Variants in PINX1 observed in about 807,000 individuals in gnomAD.
The protein encoded by PINX1 is PIN2/TERF1-interacting telomerase inhibitor 1.
Under a neutral mutation model 25.4 loss-of-function variants are expected in PINX1, and 34 were observed. That is an observed-to-expected ratio of 1.34 (90% CI 1.02 to 1.78). The LOEUF is 1.78. Among genes scored for constraint, PINX1 ranks in the 40% most tolerant of loss-of-function variants. PINX1 has a pLI of 0.00. For synonymous variants in PINX1, 197 were observed against 147.7 expected (o/e 1.33, Z -2.42); for missense variants, 592 against 404.9 (o/e 1.46, Z -3.97).
chr8:10,813,496 C>T (rs917448501), intron 6 of PINX1, among the ~76,000 whole-genome samples: 2 of 152,178 alleles, frequency 1.3e-5, no homozygotes, highest in African/African-American at 4.8e-5. Context: ...GCAGAAGCGT[C>T]TGCTCGGAAT....
intron 6 of PINX1, among the ~76,000 whole-genome samples, chr8:10,771,928 CAATA>C (rs1172810170): frequency 1.3e-5 from 2 of 152,192 alleles, no homozygotes; most frequent in African/African-American, 4.8e-5. Context: ...TGGCCCTTAG[CAATA>C]AATAGAAACT....
chr8:10,817,907 T>C (rs1013170672), intron 6 of PINX1, among the ~76,000 whole-genome samples: 1 of 150,958 alleles, frequency 6.6e-6, no homozygotes, highest in African/African-American at 2.5e-5. Flanking sequence ...TCAGAATAAC[T>C]GCTGCAACAA....
At chr8:10,817,009 T>C (rs1797718400) in intron 6 of PINX1, among the ~76,000 whole-genome samples, 1 of 152,230 alleles carries the variant, frequency 6.6e-6, no homozygotes, top group South Asian at 2.1e-4. Context: ...AAAATTGGAA[T>C]TCTACGATGG....
chr8:10,824,989 G>A (rs941145876), intron 5 of PINX1, among the ~76,000 whole-genome samples: 6 of 152,182 alleles, frequency 3.9e-5, no homozygotes, highest in East Asian at 1.9e-4. Context: ...GGATACGGGC[G>A]ACAGCCAAGA....
chr8:10,774,780 T>C (rs1230986326), intron 6 of PINX1, among the ~76,000 whole-genome samples: 1 of 152,236 alleles, frequency 6.6e-6, no homozygotes, highest in Non-Finnish European at 1.5e-5. Context: ...ACTCTTTCTT[T>C]CACCAGAAAT....
chr8:10,801,609 T>A (rs1802265390), intron 6 of PINX1, among the ~76,000 whole-genome samples: 1 of 152,178 alleles, frequency 6.6e-6, no homozygotes, highest in Admixed American at 6.5e-5. Flanking sequence ...GATGGTCTTT[T>A]CCAGCTATAA....
chr8:10,823,738 C>G (rs73208794), intron 5 of PINX1, among the ~76,000 whole-genome samples: 25,802 of 152,114 alleles, frequency 0.17, 2,597 homozygotes, highest in Non-Finnish European at 0.23. Flanking sequence ...TAAGGCAGGA[C>G]GATCACTTGA....
chr8:10,775,584 A>C (rs554535917), intron 6 of PINX1, among the ~76,000 whole-genome samples: 11 of 152,328 alleles, frequency 7.2e-5, no homozygotes, highest in Non-Finnish European at 1.6e-4. Flanking sequence ...AAAGCTTCTA[A>C]ATGCTTACTC....
chr8:10,765,313 T>G lies in PINX1; in HGVS notation c.*88A>C, dbSNP rs989228585. The G allele has an allele frequency of 8.6e-6, 11 of 1,285,972 alleles. No individual in the cohort carries two copies. The highest frequency in any genetic ancestry group is 3.0e-5 in the African/African-American group (2 of 67,256). The allele number at this position is 1,285,972 out of a possible 1,614,324, so 79.7% of individuals were successfully genotyped here. ...CAAGATGCGCCCAGGCGCTCTGGGG[T>G]GAACTCTGCTGTGACTTCAGGCCAG... is the stretch of plus-strand genomic sequence containing the variant. On this transcript the variant is annotated 3_prime_UTR_variant, in exon 7 of 7. Transcript: ENST00000314787.
At position 10,834,681 on chromosome 8, in the gene PINX1, C is replaced by G; in HGVS notation, c.114G>C (p.Gly38=). Residue 38 remains glycine (G), a synonymous_variant, in exon 2 of 7, where the codon GGG becomes GGC. Coordinates refer to ENST00000314787, the MANE Select transcript of PINX1 (RefSeq NM_017884.6). ...TCCAAAATACCTTTCCTTTAGACCA[C>G]CCCATCTTCTCTAGCATCCGCTGGC... ...KFGQRMLEKM[G]WSKGKGLGAQ... 2 of 1,613,498 alleles carry G rather than the reference C, an allele frequency of 1.2e-6. No individual in the cohort carries two copies. Among genetic ancestry groups the G allele is most frequent in the Non-Finnish European group, 1.7e-6 (2 of 1,179,554 alleles).
At chr8:10,818,447 T>C (rs928620398) in intron 6 of PINX1, among the ~76,000 whole-genome samples, 6 of 152,184 alleles carry the variant, frequency 3.9e-5, no homozygotes, top group Non-Finnish European at 5.9e-5. Context: ...CAGAAACCTC[T>C]GATCTCTTAC....
At chr8:10,786,697 G>C (rs1801758656) in intron 6 of PINX1, among the ~76,000 whole-genome samples, 1 of 152,188 alleles carries the variant, frequency 6.6e-6, no homozygotes. Flanking sequence ...GAAAACTTCA[G>C]TGTATACTGC....
intron 6 of PINX1, among the ~76,000 whole-genome samples, chr8:10,808,839 A>C (rs377756356): frequency 7.2e-5 from 11 of 152,346 alleles, no homozygotes; most frequent in African/African-American, 2.4e-4. Flanking sequence ...CTAAACTCCT[A>C]TATTTTTCTA....
In PINX1 at chr8:10,793,906, T is replaced by C. The variant is rs143946167; in HGVS notation, c.471+26287A>G. 4.2e-3 allele frequency among the ~76,000 whole-genome samples: 645 copies of C among 152,242 alleles called. 2 individuals are homozygous for C. The highest frequency in any genetic ancestry group is 6.6e-3 in the Non-Finnish European group (447 of 68,008). On this transcript the variant is annotated intron_variant, in intron 6 of 6. Transcript: ENST00000314787. ...ACTCAAGATAAACTTCAAACAAATA[T>C]TGCAATGAGTATCTAGTAACAGATT... is the stretch of plus-strand genomic sequence containing the variant.
intron 4 of PINX1, among the ~76,000 whole-genome samples, chr8:10,826,562 T>C (rs1230528893): frequency 6.6e-6 from 1 of 152,242 alleles, no homozygotes; most frequent in Non-Finnish European, 1.5e-5. Context: ...ACATTAGCCT[T>C]ATTCATCATA....
At position 10,790,150 on chromosome 8, in the gene PINX1, T is replaced by C. The variant is rs145391749; in HGVS notation, c.472-24234A>G. On this transcript the variant is annotated intron_variant, in intron 6 of 6. Coordinates refer to ENST00000314787, the MANE Select transcript of PINX1 (RefSeq NM_017884.6). ...CCCTTTCCCTTCCAGAAGGTCCCCA[T>C]GCTTCTCTCAAGGTTCCTCCCCAAC... Among the ~76,000 whole-genome samples, 26 of 152,204 alleles carry C rather than the reference T, an allele frequency of 1.7e-4. No individual in the cohort carries two copies. The South Asian group carries it at 5.4e-3, about 32-fold the overall frequency.
chr8:10,818,296 T>G (rs562477410), intron 6 of PINX1, among the ~76,000 whole-genome samples: 67 of 152,334 alleles, frequency 4.4e-4, no homozygotes, highest in African/African-American at 1.6e-3. Flanking sequence ...AGGGAACTGC[T>G]TTTGAAGCTC....
At chr8:10,766,841 G>T (rs1349121422) in intron 6 of PINX1, among the ~76,000 whole-genome samples, 1 of 152,202 alleles carries the variant, frequency 6.6e-6, no homozygotes, top group East Asian at 1.9e-4. Context: ...TTCCTAAGGG[G>T]AGAGGCTGGG....
chr8:10,775,425 T>TGG (rs1563203278), intron 6 of PINX1, among the ~76,000 whole-genome samples: 100 of 140,660 alleles, frequency 7.1e-4, no homozygotes, highest in Admixed American at 4.7e-3. Flanking sequence ...TTTTTTTTTT[T>TGG]TTTTTTTTTT....
Sources: allele counts gnomAD v4.1 joint callset (sites outside exome capture counted in the v4.1 genomes callset), GRCh38; gene constraint gnomAD v4.1.1; transcripts MANE v1.5; gene names NCBI Gene and HGNC (gene_info 2026-07-23, HGNC 2026-07-21).